RASGRF2: variants seen among roughly 807,000 people sequenced by gnomAD.
RASGRF2 encodes ras-specific guanine nucleotide-releasing factor 2.
In RASGRF2, 76 loss-of-function variants were observed where a neutral mutation model predicts 151.0. That is an observed-to-expected ratio of 0.50 (90% CI 0.42 to 0.61). The LOEUF (loss-of-function observed/expected upper bound fraction) is 0.61. RASGRF2 is among the 20% of genes least tolerant of loss of function. The pLI, the probability that RASGRF2 is intolerant of heterozygous loss-of-function variation, is 0.00. For missense variants in RASGRF2, 1,148 were observed against 1,564.6 expected (o/e 0.73, Z 4.49); for synonymous variants, 504 against 566.5 (o/e 0.89, Z 1.57).
At chr5:80,964,633 A>G (rs1747667914) in intron 1 of RASGRF2, among the ~76,000 whole-genome samples, 2 of 152,188 alleles carry the variant, frequency 1.3e-5, no homozygotes, top group South Asian at 4.1e-4. Flanking sequence ...GAGCAAATCT[A>G]GATGGATGGG....
intron 18 of RASGRF2, among the ~76,000 whole-genome samples, chr5:81,199,914 A>G (rs1297661668): frequency 6.0e-5 from 9 of 150,194 alleles, no homozygotes; most frequent in Non-Finnish European, 1.5e-5. Flanking sequence ...AAAAAAAAAA[A>G]GAAAATGGTG....
At chr5:81,208,727 T>C (rs1755568072) in intron 22 of RASGRF2, among the ~76,000 whole-genome samples, 1 of 151,956 alleles carries the variant, frequency 6.6e-6, no homozygotes, top group African/African-American at 2.4e-5. Flanking sequence ...AATATTTTTG[T>C]ATTTTTAGTA....
At chr5:81,201,530 C>G (rs1208736846) in intron 19 of RASGRF2, 88 bp downstream of exon 19, 3 of 1,399,362 alleles carry the variant, frequency 2.1e-6, no homozygotes, top group Non-Finnish European at 2.9e-6. Context: ...TCTTAGAATC[C>G]TGGGGACAGT....
intron 18 of RASGRF2, among the ~76,000 whole-genome samples, chr5:81,185,839 T>G (rs1472271922): frequency 6.6e-6 from 1 of 152,178 alleles, no homozygotes; most frequent in African/African-American, 2.4e-5. Flanking sequence ...TATACTGAAC[T>G]GGACATTTTG....
intron 17 of RASGRF2, among the ~76,000 whole-genome samples, chr5:81,151,367 C>T (rs1431773962): frequency 5.4e-5 from 8 of 149,090 alleles, no homozygotes; most frequent in African/African-American, 1.7e-4. Context: ...GGTTTTTGGT[C>T]CACAGGAAAA....
chr5:81,195,943 G>A (rs1230628659), intron 18 of RASGRF2, among the ~76,000 whole-genome samples: 1 of 152,160 alleles, frequency 6.6e-6, no homozygotes, highest in East Asian at 1.9e-4. Context: ...GTCTGATGCT[G>A]GGTCAGCTAA....
Position 81,130,256 on chromosome 5 carries a change from C to G in RASGRF2, c.2686+3093C>G, listed in dbSNP as rs540129546. On this transcript the variant is annotated intron_variant, in intron 17 of 26. Transcript: ENST00000265080. The stretch of plus-strand genomic sequence containing the variant: ...CTGAACCCTGTGTGAGCAGACTGCT[C>G]TTTTATGACAGTGCTGTTGATGTTG... Among the ~76,000 whole-genome samples, 11 of 152,308 alleles carry G rather than the reference C, an allele frequency of 7.2e-5. 1 individual carries two copies. In the South Asian group the frequency reaches 2.3e-3, roughly 32 times the overall value.
At chr5:81,035,638 T>C (rs1750463066) in intron 1 of RASGRF2, among the ~76,000 whole-genome samples, 1 of 151,622 alleles carries the variant, frequency 6.6e-6, no homozygotes, top group South Asian at 2.1e-4. Context: ...AAAAAACAAC[T>C]TAATAGACTG....
At chr5:81,158,939 G>A (rs1754320931) in intron 17 of RASGRF2, among the ~76,000 whole-genome samples, 1 of 152,102 alleles carries the variant, frequency 6.6e-6, no homozygotes, top group African/African-American at 2.4e-5. Flanking sequence ...CTGGGTACTA[G>A]GTGTCTGCCA....
chr5:81,109,394 C>T (rs534922163), intron 13 of RASGRF2, among the ~76,000 whole-genome samples: 45 of 152,328 alleles, frequency 3.0e-4, no homozygotes, highest in South Asian at 1.7e-3. Flanking sequence ...CGGTGGCTCA[C>T]GCCTGTAATC....
At chr5:81,090,345 G>A (rs951546241) in intron 9 of RASGRF2, among the ~76,000 whole-genome samples, 2 of 152,192 alleles carry the variant, frequency 1.3e-5, no homozygotes, top group Non-Finnish European at 2.9e-5. Context: ...AATTATTAGA[G>A]AGACCGATGA....
At chr5:81,150,460 C>T (rs1039123971) in intron 17 of RASGRF2, among the ~76,000 whole-genome samples, 3 of 152,156 alleles carry the variant, frequency 2.0e-5, no homozygotes, top group Non-Finnish European at 4.4e-5. Context: ...CTGTTTCCTC[C>T]ACTTGATTTA....
intron 17 of RASGRF2, among the ~76,000 whole-genome samples, chr5:81,174,702 C>T (rs781408667): frequency 2.0e-5 from 3 of 152,146 alleles, no homozygotes; most frequent in Admixed American, 6.5e-5. Context: ...TTGCAATCCA[C>T]ACTAAGAAAA....
At chr5:81,173,680 G>C (rs1156444784) in intron 17 of RASGRF2, among the ~76,000 whole-genome samples, 2 of 152,280 alleles carry the variant, frequency 1.3e-5, no homozygotes, top group East Asian at 3.9e-4. Context: ...GTTCTAGATT[G>C]GTTCAATGGG....
At chr5:80,976,290 C>T (rs1561534524) in intron 1 of RASGRF2, among the ~76,000 whole-genome samples, 1 of 152,196 alleles carries the variant, frequency 6.6e-6, no homozygotes, top group East Asian at 1.9e-4. Context: ...TATATTATCC[C>T]ATTTAATCCT....
chr5:81,109,118 T>C (rs1752927022), intron 13 of RASGRF2, 40 bp downstream of exon 13: 1 of 1,584,442 alleles, frequency 6.3e-7, no homozygotes, highest in Middle Eastern at 1.7e-4. Flanking sequence ...TTAATCAAGA[T>C]TAAATTGGCG....
At chr5:81,191,234 T>C (rs114183838) in intron 18 of RASGRF2, among the ~76,000 whole-genome samples, 16 of 152,184 alleles carry the variant, frequency 1.1e-4, no homozygotes, top group African/African-American at 3.6e-4. Flanking sequence ...CTGCCTTGCT[T>C]GTTGCCTTTC....
chr5:81,056,671 C>G (rs1422772594), intron 2 of RASGRF2, among the ~76,000 whole-genome samples: 2 of 152,102 alleles, frequency 1.3e-5, no homozygotes, highest in Non-Finnish European at 2.9e-5. Flanking sequence ...GAGTTCAATT[C>G]CTGGATATCC....
At chr5:81,159,093 G>T (rs1754324070) in intron 17 of RASGRF2, among the ~76,000 whole-genome samples, 1 of 152,138 alleles carries the variant, frequency 6.6e-6, no homozygotes, top group East Asian at 1.9e-4. Flanking sequence ...TAATACACAT[G>T]AATATAAATG....
Sources: allele counts gnomAD v4.1 joint callset (sites outside exome capture counted in the v4.1 genomes callset), GRCh38; gene constraint gnomAD v4.1.1; transcripts MANE v1.5; gene names NCBI Gene and HGNC (gene_info 2026-07-23, HGNC 2026-07-21).